Variants in NAALADL2 observed in about 807,000 individuals in gnomAD.
NAALADL2 encodes N-acetylated alpha-linked acidic dipeptidase like 2.
Under a neutral mutation model 87.2 loss-of-function variants are expected in NAALADL2, and 76 were observed. The observed-to-expected ratio is 0.87, with a 90% CI of 0.72 to 1.05. The LOEUF (loss-of-function observed/expected upper bound fraction) is 1.05, where lower values mean the gene tolerates loss of function less well. Ranked by LOEUF, NAALADL2 falls within the 50% of genes least tolerant of loss-of-function variation. The probability of loss-of-function intolerance (pLI) is 0.00; values close to 1 mark genes in which losing one functional copy is unlikely to be tolerated. For synonymous variants in NAALADL2, 354 were observed against 331.0 expected (o/e 1.07, Z -0.75); for missense variants, 1,089 against 945.8 (o/e 1.15, Z -1.99).
chr3:174,987,808 A>G (rs1417596076), intron 1 of NAALADL2, among the ~76,000 whole-genome samples: 1 of 133,176 alleles, frequency 7.5e-6, no homozygotes, highest in Non-Finnish European at 1.5e-5. Context: ...ATATATATAT[A>G]TAATTATATA....
chr3:174,626,087 GA>G (rs1399644431), intron 2 of NAALADL2, among the ~76,000 whole-genome samples: 5 of 110,896 alleles, frequency 4.5e-5, no homozygotes, highest in African/African-American at 1.3e-4. Context: ...TATAACTATA[GA>G]TTTTTTTTTT....
At chr3:175,483,151 A>G (rs1726756640) in intron 9 of NAALADL2, among the ~76,000 whole-genome samples, 1 of 151,910 alleles carries the variant, frequency 6.6e-6, no homozygotes, top group Non-Finnish European at 1.5e-5. Context: ...AATAACATAT[A>G]TTTTCAACCT....
intron 1 of NAALADL2, among the ~76,000 whole-genome samples, chr3:174,966,628 A>G (rs1311488383): frequency 6.6e-6 from 1 of 152,214 alleles, no homozygotes; most frequent in Non-Finnish European, 1.5e-5. Flanking sequence ...AACAGAGAAT[A>G]GGAAAGGAAG....
At chr3:175,144,423 A>T (rs765260879) in intron 2 of NAALADL2, among the ~76,000 whole-genome samples, 1 of 151,996 alleles carries the variant, frequency 6.6e-6, no homozygotes, top group Non-Finnish European at 1.5e-5. Flanking sequence ...ATTCTGAAAA[A>T]TATATGAGTT....
intron 3 of NAALADL2, among the ~76,000 whole-genome samples, chr3:174,798,985 T>C (rs1423169681): frequency 6.6e-6 from 1 of 151,920 alleles, no homozygotes; most frequent in Non-Finnish European, 1.5e-5. Flanking sequence ...GCCTGGTCAA[T>C]ATGGTGAAAC....
At chr3:174,605,865 C>G (rs1440281891) in intron 2 of NAALADL2, among the ~76,000 whole-genome samples, 1 of 152,228 alleles carries the variant, frequency 6.6e-6, no homozygotes, top group Admixed American at 6.5e-5. Context: ...AGACTGCCTC[C>G]TCAAGTGGGT....
At chr3:174,735,627 A>G (rs1388481389) in intron 2 of NAALADL2, among the ~76,000 whole-genome samples, 2 of 152,054 alleles carry the variant, frequency 1.3e-5, no homozygotes, top group Non-Finnish European at 2.9e-5. Flanking sequence ...TGGTGCAATC[A>G]CAGGTCACTG....
intron 5 of NAALADL2, among the ~76,000 whole-genome samples, chr3:175,369,987 T>C (rs1766245304): frequency 6.6e-6 from 1 of 152,170 alleles, no homozygotes; most frequent in African/African-American, 2.4e-5. Context: ...CTACCACAAG[T>C]GTGAAATTGA....
rs147916983 is a variant in NAALADL2, at chr3:175,329,885, T to G, written c.1090+5560T>G. On this transcript the variant is annotated intron_variant, in intron 5 of 13. Coordinates refer to ENST00000454872, the MANE Select transcript of NAALADL2 (RefSeq NM_207015.3). ...GTTTTGAAAAATAATTTTGGCGACG[T>G]AAGTTCTCTTGGCCCCACAGAGGGA... Among the ~76,000 whole-genome samples the G allele has an allele frequency of 7.6e-3, 1,164 of 152,342 alleles. 21 individuals carry two copies. The highest frequency in any genetic ancestry group is 0.027 in the African/African-American group (1,114 of 41,572).
chr3:174,543,549 TTTC>T (rs1221199004), intron 1 of NAALADL2, among the ~76,000 whole-genome samples: 1 of 152,142 alleles, frequency 6.6e-6, no homozygotes, highest in Non-Finnish European at 1.5e-5. Context: ...TTGCTTTTCC[TTTC>T]TTCTTTCCCT....
intron 1 of NAALADL2, among the ~76,000 whole-genome samples, chr3:174,460,587 T>A: frequency 6.6e-6 from 1 of 151,926 alleles, no homozygotes; most frequent in East Asian, 1.9e-4. Context: ...TTTTCCTTCT[T>A]TTTTCTTTTT....
intron 2 of NAALADL2, among the ~76,000 whole-genome samples, chr3:174,695,720 A>G (rs1560150915): frequency 6.6e-6 from 1 of 152,102 alleles, no homozygotes; most frequent in Admixed American, 6.5e-5. Flanking sequence ...AACTATAGAC[A>G]TTAAAACTGA....
At chr3:174,673,824 G>T (rs1190059378) in intron 2 of NAALADL2, among the ~76,000 whole-genome samples, 1 of 151,906 alleles carries the variant, frequency 6.6e-6, no homozygotes, top group Admixed American at 6.6e-5. Flanking sequence ...CCAACACAAA[G>T]AAATGATAAA....
At chr3:175,363,226 C>T (rs1294099917) in intron 5 of NAALADL2, among the ~76,000 whole-genome samples, 1 of 147,252 alleles carries the variant, frequency 6.8e-6, no homozygotes, top group Non-Finnish European at 1.5e-5. Context: ...ATAACACTGT[C>T]TTGCTTAATG....
chr3:174,845,777 A>C (rs1724554689), intron 3 of NAALADL2, among the ~76,000 whole-genome samples: 1 of 152,126 alleles, frequency 6.6e-6, no homozygotes, highest in Admixed American at 6.5e-5. Flanking sequence ...TCATGGTTTC[A>C]GCCATTAAGG....
chr3:175,005,333 CCTCA>C (rs1748873020), intron 1 of NAALADL2, among the ~76,000 whole-genome samples: 1 of 152,128 alleles, frequency 6.6e-6, no homozygotes, highest in South Asian at 2.1e-4. Context: ...GCAAACAGCA[CCTCA>C]CTAAGTGTTG....
intron 1 of NAALADL2, among the ~76,000 whole-genome samples, chr3:174,963,671 T>C (rs539694404): frequency 6.6e-6 from 1 of 152,178 alleles, no homozygotes; most frequent in African/African-American, 2.4e-5. Flanking sequence ...AAGTATTATT[T>C]ATTTTGATAT....
chr3:175,296,042 A>C (rs1295720775), intron 4 of NAALADL2, among the ~76,000 whole-genome samples: 3 of 37,434 alleles, frequency 8.0e-5, no homozygotes, highest in Non-Finnish European at 3.1e-4. Flanking sequence ...CTTAGTTTAC[A>C]TTCTCCTATC....
At chr3:175,279,254 A>C (rs990141527) in intron 4 of NAALADL2, among the ~76,000 whole-genome samples, 1 of 152,148 alleles carries the variant, frequency 6.6e-6, no homozygotes, top group Non-Finnish European at 1.5e-5. Flanking sequence ...GGACTAACTG[A>C]AGACATTTAT....
Sources: gnomAD v4.1 joint callset for allele counts (sites outside exome capture counted in the v4.1 genomes callset) on GRCh38, gnomAD v4.1.1 for gene constraint, MANE v1.5 for transcripts, NCBI Gene and HGNC (gene_info 2026-07-23, HGNC 2026-07-21) for gene names.